PLCD1: variants seen among roughly 807,000 people sequenced by gnomAD.
PLCD1 encodes 1-phosphatidylinositol 4,5-bisphosphate phosphodiesterase delta-1.
A neutral mutation model predicts 87.4 loss-of-function variants in PLCD1; 71 were observed. That is an observed-to-expected ratio of 0.81 (90% CI 0.67 to 0.99). The LOEUF (loss-of-function observed/expected upper bound fraction) is 0.99, where lower values mean the gene tolerates loss of function less well. PLCD1 is among the 50% of genes least tolerant of loss of function. The pLI is 0.00. For synonymous variants in PLCD1, 348 were observed against 399.2 expected, an observed-to-expected ratio of 0.87 and a Z score of 1.53; for missense variants, 867 against 1,001.5, an observed-to-expected ratio of 0.87 and a Z score of 1.81.
At chr3:38,023,381 C>T (rs553644908) in intron 1 of PLCD1, among the ~76,000 whole-genome samples, 13 of 152,210 alleles carry the variant, frequency 8.5e-5, no homozygotes, top group African/African-American at 3.1e-4. Context: ...CATATAGTGC[C>T]AGAGCATCAT....
At chr3:38,023,682 G>A (rs1313052412) in intron 1 of PLCD1, among the ~76,000 whole-genome samples, 1 of 151,728 alleles carries the variant, frequency 6.6e-6, no homozygotes, top group Non-Finnish European at 1.5e-5. Flanking sequence ...ACACCATAAT[G>A]GAATGACAGA....
intron 10 of PLCD1, 30 bp from the exon 11 acceptor site, chr3:38,009,188 G>A: frequency 3.1e-6 from 5 of 1,610,900 alleles, no homozygotes; most frequent in South Asian, 1.1e-5. Flanking sequence ...GGTCAGCAGT[G>A]GAGGCCTCCT....
chr3:38,019,380 C>A (rs1472025035), intron 2 of PLCD1, among the ~76,000 whole-genome samples: 1 of 152,166 alleles, frequency 6.6e-6, no homozygotes, highest in Non-Finnish European at 1.5e-5. Context: ...CAATCAATAG[C>A]CACAAGTGGC....
chr3:38,016,408 G>T, intron 3 of PLCD1, 83 bp downstream of exon 3: 1 of 884,656 alleles, frequency 1.1e-6, no homozygotes, highest in East Asian at 2.6e-5. Context: ...ACCTAAACCA[G>T]CTTCCATACC....
At chr3:38,021,071 G>A (rs899057831) in intron 1 of PLCD1, among the ~76,000 whole-genome samples, 4 of 152,190 alleles carry the variant, frequency 2.6e-5, no homozygotes, top group African/African-American at 9.7e-5. Context: ...GATAATGGCA[G>A]TTGGGGTTCT....
chr3:38,022,050 C>T (rs964727304), intron 1 of PLCD1, among the ~76,000 whole-genome samples: 6 of 152,206 alleles, frequency 3.9e-5, no homozygotes, highest in African/African-American at 1.4e-4. Flanking sequence ...TTAGGCAACT[C>T]CCTTCCCTCT....
intron 3 of PLCD1, among the ~76,000 whole-genome samples, chr3:38,014,336 T>C (rs59584454): frequency 0.036 from 5,421 of 151,440 alleles, 139 homozygotes; most frequent in African/African-American, 0.075. Flanking sequence ...TACTACAAAG[T>C]TACAGAAAGC....
At chr3:38,016,854 A>G in intron 2 of PLCD1, 135 bp from the exon 3 acceptor site, 1 of 722,790 alleles carries the variant, frequency 1.4e-6, no homozygotes, top group South Asian at 1.5e-5. Flanking sequence ...TCAGGCCTTG[A>G]GTCCAGAAGG....
chr3:38,015,534 T>A (rs1700142205), intron 3 of PLCD1, among the ~76,000 whole-genome samples: 1 of 152,182 alleles, frequency 6.6e-6, no homozygotes, highest in Admixed American at 6.5e-5. Context: ...TCTGTGAATA[T>A]ACTAAAAAGC....
rs1700294181 is a variant in PLCD1, at chr3:38,025,111, C to T, written c.34+4395G>A. Among the ~76,000 whole-genome samples, 1 of 150,926 alleles carries T rather than the reference C, an allele frequency of 6.6e-6. No individual in the cohort carries two copies. The highest frequency in any genetic ancestry group is 2.4e-5 in the African/African-American group (1 of 41,016). ...CTCCAGAGGCGACGTGGAGGCAGAG[C>T]CATACCCAGGAAGCAGCCCGGGGGC... is the stretch of plus-strand genomic sequence containing the variant. On this transcript the variant is annotated intron_variant, in intron 1 of 14. Transcript: ENST00000334661. The surrounding 1 kb of genome is among the most constrained non-coding windows in gnomAD (Gnocchi z 4.0).
rs1337495738 is a variant in PLCD1, at chr3:38,025,350, GA to G, written c.34+4155del. Among the ~76,000 whole-genome samples, 13 of 152,216 alleles carry G rather than the reference GA, an allele frequency of 8.5e-5. No individual in the cohort carries two copies. The highest frequency in any genetic ancestry group is 1.8e-4 in the Non-Finnish European group (12 of 68,030). ...AGAACCGAAGGGCTGAGTCTGGGGA[GA>G]AAAGCTGAGGGGAGTCCCAGTGGGA... On this transcript the variant is annotated intron_variant, in intron 1 of 14. Transcript: ENST00000334661. This position sits in a 1 kb window ranked among gnomAD's most constrained non-coding sequence, Gnocchi z 4.0.
intron 1 of PLCD1, 88 bp from the exon 2 acceptor site, chr3:38,020,440 T>A: frequency 7.9e-7 from 1 of 1,268,160 alleles, no homozygotes. Context: ...ACCTCGACCC[T>A]CTCAGAGCCC....
intron 3 of PLCD1, among the ~76,000 whole-genome samples, chr3:38,015,039 A>C (rs1700134451): frequency 6.6e-6 from 1 of 152,232 alleles, no homozygotes; most frequent in Admixed American, 6.5e-5. Flanking sequence ...TTTGGAAAAC[A>C]GTTTGGCAGT....
rs371063312 is a variant in PLCD1 at position 38,010,013 on chromosome 3, C to G, written c.1178G>C (p.Cys393Ser). ...YPVILSLENH[C>S]TLEQQRVMAR... ...CATCACGCGCTGCTGCTCCAGTGTG[C>G]AGTGGTTCTCCAGGGATAGGATGAC... Residue 393 changes from cysteine to serine, a missense_variant, in exon 8 of 15, where the codon TGC becomes TCC. By Grantham distance (112) the Cys-to-Ser change is moderately radical. Coordinates refer to ENST00000334661, the MANE Select transcript of PLCD1 (RefSeq NM_006225.4). 6.2e-6 allele frequency: 10 copies of G among 1,614,056 alleles called. No individual in the cohort carries two copies. The highest frequency in any genetic ancestry group is 8.5e-6 in the Non-Finnish European group (10 of 1,180,012).
rs557990879 is a variant in PLCD1, at chr3:38,025,802, A to G, written c.34+3704T>C. ...TGAGCCCCTACTGTGTGCCAATGTC[A>G]GGACACCACCCAGAGGCCTGACTCT... On this transcript the variant is annotated intron_variant, in intron 1 of 14. Transcript: ENST00000334661. The surrounding 1 kb of genome is among the most constrained non-coding windows in gnomAD (Gnocchi z 4.0). Among the ~76,000 whole-genome samples the G allele has an allele frequency of 6.6e-6, 1 of 152,284 alleles. No individual in the cohort carries two copies. The highest frequency in any genetic ancestry group is 1.9e-4 in the East Asian group (1 of 5,184).
Position 38,020,340 on chromosome 3 carries a change from T to C in PLCD1, c.47A>G (p.Asp16Gly). ...DFLTLHGLQDDEDLQALLKGS... is the reference protein window; with the variant it reads ...DFLTLHGLQDGEDLQALLKGS... ...CTTCAGCAGCGCCTGTAGATCCTCATCATCCTGTAGGCCTGGGGATCAAAG... is the reference window on the plus strand; with the variant it reads ...CTTCAGCAGCGCCTGTAGATCCTCACCATCCTGTAGGCCTGGGGATCAAAG... The change falls in exon 2 of 15, where the codon GAT becomes GGT. Residue 16 changes from aspartate (D) to glycine (G), a missense_variant. By Grantham distance (94) the Asp-to-Gly change is moderately conservative (BLOSUM62 -1). Transcript: ENST00000334661. The C allele has an allele frequency of 1.9e-6, 3 of 1,613,996 alleles. No individual in the cohort carries two copies. Among genetic ancestry groups the C allele is most frequent in the Non-Finnish European group, 2.5e-6 (3 of 1,179,976 alleles).
rs768270113 is a variant in PLCD1, at chr3:38,016,469, C to T, written c.428+22G>A. ...CCAGTGTCCACAAGCCAGGCCTGGA[C>T]CCACTGCCACCAAAAGGATACTGCT... On this transcript the variant is annotated intron_variant, in intron 3 of 14. Transcript: ENST00000334661. 5.9e-6 allele frequency: 9 copies of T among 1,537,540 alleles called. No individual in the cohort carries two copies. The African/African-American group carries it at 8.2e-5, about 14-fold the overall frequency.
At chr3:38,012,395 C>T (rs574097218) in intron 3 of PLCD1, among the ~76,000 whole-genome samples, 439 of 152,178 alleles carry the variant, frequency 2.9e-3, no homozygotes, top group Non-Finnish European at 4.1e-3. Context: ...ACACGAATCT[C>T]GTGCTTGGCT....
At chr3:38,029,480 C>T in intron 1 of PLCD1, 26 bp downstream of exon 1, 1 of 1,537,682 alleles carries the variant, frequency 6.5e-7, no homozygotes, top group Non-Finnish European at 8.7e-7. Context: ...TGCAGGGTCT[C>T]CCGCTCGCGC....
Sources: gnomAD v4.1 joint callset for allele counts (sites outside exome capture counted in the v4.1 genomes callset) on GRCh38, gnomAD v4.1.1 for gene constraint, Gnocchi (gnomAD v3.1) non-coding constraint, MANE v1.5 for transcripts, NCBI Gene and HGNC (gene_info 2026-07-23, HGNC 2026-07-21) for gene names.